The following ZNF569 variants were observed in gnomAD, a reference collection of about 807,000 sequenced individuals.
ZNF569 encodes DNA-binding protein.
ZNF569 carries 38 observed loss-of-function variants against 56.3 expected under a neutral mutation model. The ratio of observed to expected loss-of-function variants is 0.68; its 90% CI spans 0.52 to 0.88. ZNF569 has a LOEUF of 0.88. Among genes scored for constraint, ZNF569 ranks in the 40% least tolerant of loss-of-function variants. The pLI is 0.00. For synonymous variants in ZNF569, 241 were observed against 262.9 expected (o/e 0.92, Z 0.81); for missense variants, 666 against 809.2 (o/e 0.82, Z 2.15).
chr19:37,412,533 A>T lies in ZNF569; in HGVS notation c.*64T>A. The stretch of plus-strand genomic sequence containing the variant: ...TTTTCTACTCTGGAAGTGATCATGT[A>T]ATGTGCAATGAGGTGTTAATTCCTT... On this transcript the variant is annotated 3_prime_UTR_variant, in exon 6 of 6. Transcript: ENST00000316950. The T allele has an allele frequency of 6.6e-7, 1 of 1,506,910 alleles. No individual in the cohort carries two copies. 93.3% of individuals were successfully genotyped at this position (1,506,910 alleles called of 1,614,324 possible).
chr19:37,446,453 G>A, intron 2 of ZNF569, among the ~76,000 whole-genome samples: 1 of 151,364 alleles, frequency 6.6e-6, no homozygotes, highest in Non-Finnish European at 1.5e-5. Context: ...GGGAGGCTGA[G>A]GCAGGAGAAT....
At position 37,435,696 on chromosome 19, in the gene ZNF569, G is replaced by A. The variant is rs534115931; in HGVS notation, c.15+9211C>T. On this transcript the variant is annotated intron_variant, in intron 3 of 5. Transcript: ENST00000316950. The stretch of plus-strand genomic sequence containing the variant: ...TGCAAATGGAAACCAAAAAAGAGCT[G>A]GACTAGCTATAGACAAAATAGACTT... 9.2e-5 allele frequency among the ~76,000 whole-genome samples: 14 copies of A among 152,118 alleles called. No homozygotes were observed. The East Asian group carries it at 9.7e-4, about 10-fold the overall frequency.
At chr19:37,434,305 A>C (rs2041273576) in intron 3 of ZNF569, among the ~76,000 whole-genome samples, 1 of 151,984 alleles carries the variant, frequency 6.6e-6, no homozygotes, top group Non-Finnish European at 1.5e-5. Flanking sequence ...GTCTCAAAAA[A>C]AAAAAAAAAA....
chr19:37,457,320 T>C (rs973834362), intron 2 of ZNF569, among the ~76,000 whole-genome samples: 2 of 152,152 alleles, frequency 1.3e-5, no homozygotes, highest in Non-Finnish European at 2.9e-5. Flanking sequence ...TCTATACTTA[T>C]AAAATGCATC....
At chr19:37,443,343 A>G (rs980506122) in intron 3 of ZNF569, among the ~76,000 whole-genome samples, 2 of 152,150 alleles carry the variant, frequency 1.3e-5, no homozygotes, top group Non-Finnish European at 1.5e-5. Flanking sequence ...AGACTCCAAA[A>G]CACAAAAAAC....
intron 3 of ZNF569, among the ~76,000 whole-genome samples, chr19:37,430,571 C>T (rs2041209302): frequency 6.8e-6 from 1 of 146,826 alleles, no homozygotes; most frequent in East Asian, 2.0e-4. Context: ...ACAACATATT[C>T]AAAGTTCTGA....
chr19:37,457,781 A>G (rs898068314), intron 2 of ZNF569, among the ~76,000 whole-genome samples: 7 of 152,216 alleles, frequency 4.6e-5, no homozygotes, highest in Admixed American at 2.6e-4. Context: ...GGACATGTAT[A>G]CATATGTAAC....
intron 5 of ZNF569, among the ~76,000 whole-genome samples, chr19:37,421,048 C>CT (rs2041026869): frequency 6.6e-6 from 1 of 152,084 alleles, no homozygotes; most frequent in Non-Finnish European, 1.5e-5. Flanking sequence ...TTCAAAGGAA[C>CT]TTTTTTTTCT....
Position 37,414,068 on chromosome 19 carries a change from T to C in ZNF569, c.590A>G (p.Gln197Arg), listed in dbSNP as rs761494365. 4.3e-6 allele frequency: 7 copies of C among 1,613,572 alleles called. No homozygotes were observed. Among genetic ancestry groups the C allele is most frequent in the Non-Finnish European group, 5.9e-6 (7 of 1,179,908 alleles). Residue 197 changes from glutamine to arginine, a missense_variant, in exon 6 of 6, where the codon CAG becomes CGG. Physicochemically the swap from Gln to Arg is conservative, Grantham distance 43. Coordinates refer to ENST00000316950, the MANE Select transcript of ZNF569 (RefSeq NM_152484.3). ...CAGATGTCTGATGAGGTCCAAAGTC[T>C]GATTGAAGCCTTTTCCACAATGATT... ...KCNHCGKGFNQTLDLIRHLRI... is the reference protein window; with the variant it reads ...KCNHCGKGFNRTLDLIRHLRI...
intron 3 of ZNF569, among the ~76,000 whole-genome samples, chr19:37,441,591 G>A (rs142170895): frequency 6.6e-6 from 1 of 152,150 alleles, no homozygotes; most frequent in East Asian, 1.9e-4. Context: ...AGCCCAGCAG[G>A]CAGAGGTTGC....
At chr19:37,454,902 G>T (rs2041649653) in intron 2 of ZNF569, 1 of 701,280 alleles carries the variant, frequency 1.4e-6, no homozygotes, top group South Asian at 1.5e-5. Flanking sequence ...CTCTCAGCTG[G>T]CATCTTTCTT....
chr19:37,453,328 G>A (rs2041624050), intron 2 of ZNF569, among the ~76,000 whole-genome samples: 2 of 152,214 alleles, frequency 1.3e-5, no homozygotes, highest in South Asian at 4.1e-4. Context: ...TTTACAATTA[G>A]TTTCTGATTT....
At chr19:37,440,496 T>C (rs1319167940) in intron 3 of ZNF569, among the ~76,000 whole-genome samples, 5 of 152,050 alleles carry the variant, frequency 3.3e-5, no homozygotes, top group Admixed American at 2.6e-4. Flanking sequence ...CAGAACCAGA[T>C]AGAGGTGGTG....
intron 3 of ZNF569, among the ~76,000 whole-genome samples, chr19:37,444,422 T>C (rs910379789): frequency 1.3e-5 from 2 of 152,212 alleles, no homozygotes; most frequent in African/African-American, 2.4e-5. Flanking sequence ...CCGTGTGAAA[T>C]ACTATAATTT....
At chr19:37,467,919 T>C, upstream of ZNF569, 1 of 1,536,162 alleles carries the variant, frequency 6.5e-7, no homozygotes, top group Non-Finnish European at 8.7e-7. Context: ...TTTCTGGACT[T>C]CTCGATTGTG....
At chr19:37,436,799 TAGC>T (rs2041316303) in intron 3 of ZNF569, among the ~76,000 whole-genome samples, 1 of 151,992 alleles carries the variant, frequency 6.6e-6, no homozygotes. Context: ...AACAGACTAA[TAGC>T]AGGTAATGAG....
At chr19:37,436,308 C>T (rs936603562) in intron 3 of ZNF569, among the ~76,000 whole-genome samples, 12 of 151,740 alleles carry the variant, frequency 7.9e-5, no homozygotes, top group African/African-American at 2.9e-4. Flanking sequence ...GGAAACACAA[C>T]ACATCAAAGC....
Position 37,413,925 on chromosome 19 carries a change from T to C in ZNF569, c.733A>G (p.Asn245Asp). The C allele has an allele frequency of 1.2e-6, 2 of 1,613,506 alleles. No individual in the cohort carries two copies. The highest frequency in any genetic ancestry group is 1.7e-6 in the Non-Finnish European group (2 of 1,179,928). Residue 245 changes from asparagine to aspartate, a missense_variant, in exon 6 of 6, where the codon AAT becomes GAT. Physicochemically the swap from Asn to Asp is conservative, Grantham distance 23. Coordinates refer to ENST00000316950, the MANE Select transcript of ZNF569 (RefSeq NM_152484.3). ...TTAATGAAAGCTTTACCACATTCAT[T>C]ACATTTGTAAGACTGCTCCCTACTG... ...IHSREQSYKC[N>D]ECGKAFIKMS...
chr19:37,446,338 A>G (rs1439338321), intron 2 of ZNF569, among the ~76,000 whole-genome samples: 1 of 152,114 alleles, frequency 6.6e-6, no homozygotes, highest in Non-Finnish European at 1.5e-5. Context: ...TCACGAGGTC[A>G]GGAGATTGAG....
Sources: allele counts gnomAD v4.1 joint callset (sites outside exome capture counted in the v4.1 genomes callset), GRCh38; gene constraint gnomAD v4.1.1; transcripts MANE v1.5; gene names NCBI Gene and HGNC (gene_info 2026-07-23, HGNC 2026-07-21).